Variants in PARD3 observed in about 807,000 individuals in gnomAD.
PARD3 encodes the protein par-3 family cell polarity regulator.
Under a neutral mutation model 155.4 loss-of-function variants are expected in PARD3, and 75 were observed. That is an observed-to-expected ratio of 0.48 (90% CI 0.40 to 0.58). PARD3 has a LOEUF of 0.58. Among genes scored for constraint, PARD3 ranks in the 20% least tolerant of loss-of-function variants. The pLI, the probability that PARD3 is intolerant of heterozygous loss-of-function variation, is 0.00. For synonymous variants in PARD3, 576 were observed against 610.5 expected (o/e 0.94, Z 0.83); for missense variants, 1,642 against 1,721.7 (o/e 0.95, Z 0.82).
At chr10:34,464,985 A>ACT (rs2077913441) in intron 4 of PARD3, among the ~76,000 whole-genome samples, 1 of 152,204 alleles carries the variant, frequency 6.6e-6, no homozygotes, top group African/African-American at 2.4e-5. Context: ...TCTCTTACAT[A>ACT]AAATGGTGGA....
At chr10:34,535,736 A>G (rs532063201) in intron 2 of PARD3, among the ~76,000 whole-genome samples, 254 of 152,188 alleles carry the variant, frequency 1.7e-3, no homozygotes, top group Middle Eastern at 3.4e-3. Flanking sequence ...TCAGCCTTCC[A>G]AAGTGCTGGG....
At chr10:34,519,363 CTG>C (rs1415161871) in intron 2 of PARD3, among the ~76,000 whole-genome samples, 13 of 152,222 alleles carry the variant, frequency 8.5e-5, no homozygotes, top group Admixed American at 2.6e-4. Flanking sequence ...TGGAAATACT[CTG>C]TAACTATTAT....
intron 1 of PARD3, among the ~76,000 whole-genome samples, chr10:34,794,655 C>T (rs1332634463): frequency 1.3e-5 from 2 of 152,154 alleles, no homozygotes; most frequent in Admixed American, 6.5e-5. Flanking sequence ...TAGAAGATGC[C>T]ACATAAACCT....
Position 34,605,587 on chromosome 10 carries a change from ATCTCCTATATATATATATCTCC to A in PARD3, c.223-88450_223-88429del, listed in dbSNP as rs1564405453. Among the ~76,000 whole-genome samples the A allele has an allele frequency of 5.8e-3, 272 of 47,048 alleles. 15 individuals are homozygous for A. Among genetic ancestry groups the A allele is most frequent in the Non-Finnish European group, 6.1e-3 (179 of 29,164 alleles). 30.9% of individuals were successfully genotyped at this position (47,048 alleles called of 152,430 possible). A position where few individuals can be genotyped will look rare whatever the true frequency, so the allele number is the denominator to read the frequency against. ...ATATATATATATATCTCCTATATAT[ATCTCCTATATATATATATCTCC>A]TATATATATATCTCCTATATATATA... On this transcript the variant is annotated intron_variant, in intron 2 of 24. Transcript: ENST00000374788.
intron 5 of PARD3, among the ~76,000 whole-genome samples, chr10:34,415,353 G>A (rs1176717429): frequency 6.6e-6 from 1 of 152,144 alleles, no homozygotes; most frequent in East Asian, 1.9e-4. Flanking sequence ...AGTAGTACTT[G>A]AGTACCATTA....
intron 2 of PARD3, among the ~76,000 whole-genome samples, chr10:34,591,384 C>T (rs2134366027): frequency 6.6e-6 from 1 of 152,158 alleles, no homozygotes; most frequent in African/African-American, 2.4e-5. Flanking sequence ...GAAATGAGGC[C>T]AAGGTGTCTT....
chr10:34,733,909 G>T (rs1391812047), intron 1 of PARD3, among the ~76,000 whole-genome samples: 1 of 150,802 alleles, frequency 6.6e-6, no homozygotes, highest in African/African-American at 2.4e-5. Context: ...CACAAAAGAA[G>T]AGAGTAAATT....
intron 2 of PARD3, among the ~76,000 whole-genome samples, chr10:34,526,080 CAAAAAAAAAAA>C (rs765686445): frequency 1.5e-4 from 8 of 51,826 alleles, no homozygotes; most frequent in South Asian, 8.4e-4. Flanking sequence ...GACTCCGTAT[CAAAAAAAAAAA>C]AAAAAAAAAA....
At chr10:34,635,887 C>T (rs571475345) in intron 2 of PARD3, among the ~76,000 whole-genome samples, 1 of 152,236 alleles carries the variant, frequency 6.6e-6, no homozygotes, top group African/African-American at 2.4e-5. Flanking sequence ...GTAAAGCTGA[C>T]AGTGTGTGGG....
chr10:34,290,359 A>G (rs1956618585), intron 20 of PARD3, among the ~76,000 whole-genome samples: 2 of 152,210 alleles, frequency 1.3e-5, no homozygotes, highest in South Asian at 4.1e-4. Context: ...TTTTTCTTCA[A>G]AACACCCCAC....
At position 34,401,807 on chromosome 10, in the gene PARD3, GA is replaced by G; in HGVS notation, c.806+18del. 6.5e-7 allele frequency: 1 copy of G among 1,527,398 alleles called. No individual in the cohort carries two copies. Among genetic ancestry groups the G allele is most frequent in the Non-Finnish European group, 9.1e-7 (1 of 1,101,072 alleles). 94.6% of individuals were successfully genotyped at this position (1,527,398 alleles called of 1,614,324 possible). A position where few individuals can be genotyped will look rare whatever the true frequency, so the allele number is the denominator to read the frequency against. On this transcript the variant is annotated intron_variant, in intron 6 of 24. Transcript: ENST00000374788. ...CTACATGTATACTGCAAACTTAGTTGAAACCATCAGTAACTTACTCCAGAGA... is the reference window on the plus strand; with the variant it reads ...CTACATGTATACTGCAAACTTAGTTGAACCATCAGTAACTTACTCCAGAGA...
In PARD3 at chr10:34,348,114, A is replaced by G. The variant is rs1242536110; in HGVS notation, c.2069T>C (p.Leu690Pro). 11 of 1,605,528 alleles carry G rather than the reference A, an allele frequency of 6.9e-6. No individual in the cohort carries two copies. The highest frequency in any genetic ancestry group is 5.1e-6 in the Non-Finnish European group (6 of 1,176,488). Residue 690 changes from leucine to proline, a missense_variant and splice_region_variant, in exon 15 of 25, where the codon CTG (leucine) becomes CCG (proline). This residue lies in a region of PARD3 where 1,529 missense variants were observed against 1,587.3 expected (regional missense o/e 0.96). Coordinates refer to ENST00000374788, the MANE Select transcript of PARD3 (RefSeq NM_001184785.2). ...VARRISKCNE[L>P]KSPGSPPGPE... ...TCCAGGGGGGCTCCCAGGTGACTTCAGCTACAGAGTAACGGGTATGGGGGC... is the reference window on the plus strand; with the variant it reads ...TCCAGGGGGGCTCCCAGGTGACTTCGGCTACAGAGTAACGGGTATGGGGGC...
At chr10:34,376,169 T>C (rs1398153816) in intron 10 of PARD3, among the ~76,000 whole-genome samples, 1 of 152,192 alleles carries the variant, frequency 6.6e-6, no homozygotes, top group Non-Finnish European at 1.5e-5. Flanking sequence ...TAGCTACAAC[T>C]GTAGATACTA....
At chr10:34,615,369 T>A (rs2091184345) in intron 2 of PARD3, among the ~76,000 whole-genome samples, 1 of 151,978 alleles carries the variant, frequency 6.6e-6, no homozygotes, top group Non-Finnish European at 1.5e-5. Flanking sequence ...ATACATACAG[T>A]CTCTTCAACA....
chr10:34,378,203 G>A (rs1841448940), intron 9 of PARD3, 97 bp from the exon 10 acceptor site: 2 of 888,734 alleles, frequency 2.3e-6, no homozygotes. Flanking sequence ...TTGACATTTT[G>A]TAACTTTCAC....
At chr10:34,730,695 G>A (rs922931763) in intron 1 of PARD3, among the ~76,000 whole-genome samples, 2 of 152,200 alleles carry the variant, frequency 1.3e-5, no homozygotes, top group Non-Finnish European at 2.9e-5. Context: ...GCTGAGGTGG[G>A]AGGCTCACTT....
chr10:34,363,715 C>CA (rs760168040), intron 12 of PARD3, among the ~76,000 whole-genome samples: 5 of 152,066 alleles, frequency 3.3e-5, no homozygotes, highest in Non-Finnish European at 5.9e-5. Context: ...TACAGAAACG[C>CA]AAAAAATGTC....
intron 1 of PARD3, among the ~76,000 whole-genome samples, chr10:34,702,174 G>T (rs1300741715): frequency 5.4e-5 from 8 of 149,162 alleles, no homozygotes; most frequent in African/African-American, 1.8e-4. Context: ...AAATAATAAT[G>T]ATAATAAAAC....
chr10:34,145,216 T>C (rs1564429910), intron 22 of PARD3, among the ~76,000 whole-genome samples: 1 of 79,232 alleles, frequency 1.3e-5, no homozygotes, highest in East Asian at 3.2e-4. Context: ...TATATATATA[T>C]ATATATTTTT....
Sources: gnomAD v4.1 joint callset for allele counts (sites outside exome capture counted in the v4.1 genomes callset) on GRCh38, gnomAD v4.1.1 for gene constraint, gnomAD v4.1.1 regional missense constraint, MANE v1.5 for transcripts, NCBI Gene and HGNC (gene_info 2026-07-23, HGNC 2026-07-21) for gene names.